SYT9: variants seen among roughly 807,000 people sequenced by gnomAD.
SYT9 encodes the protein synaptotagmin-9.
In SYT9, 22 loss-of-function variants were observed where a neutral mutation model predicts 48.4. That is an observed-to-expected ratio of 0.45 (90% CI 0.32 to 0.65). The LOEUF is 0.65. Ranked by LOEUF, SYT9 falls within the 30% of genes least tolerant of loss-of-function variation. The pLI, the probability that SYT9 is intolerant of heterozygous loss-of-function variation, is 0.03. For missense variants in SYT9, 577 were observed against 622.0 expected (o/e 0.93, Z 0.77); for synonymous variants, 265 against 245.0 (o/e 1.08, Z -0.76).
upstream of SYT9, among the ~76,000 whole-genome samples, chr11:7,251,099 GACACACACACACAC>G (rs369736479): frequency 7.6e-6 from 1 of 131,900 alleles, no homozygotes; most frequent in Non-Finnish European, 1.7e-5. Flanking sequence ...GTGGCACAGT[GACACACACACACAC>G]ACACACACAC....
intron 3 of SYT9, among the ~76,000 whole-genome samples, chr11:7,317,684 T>C (rs1227512400): frequency 6.6e-6 from 1 of 152,250 alleles, no homozygotes; most frequent in Non-Finnish European, 1.5e-5. Flanking sequence ...AACATATCCA[T>C]ATTTATTTTT....
At chr11:7,298,306 C>T (rs1848850032) in intron 1 of SYT9, among the ~76,000 whole-genome samples, 1 of 152,158 alleles carries the variant, frequency 6.6e-6, no homozygotes, top group Non-Finnish European at 1.5e-5. Flanking sequence ...TATTTTACTT[C>T]TAGATCAGAT....
rs1554916984 is a variant in SYT9 at position 7,385,369 on chromosome 11, T to TGTGTGC, written c.1045-30672_1045-30671insTGTGCG. 4.7e-4 allele frequency among the ~76,000 whole-genome samples: 69 copies of TGTGTGC among 148,006 alleles called. 3 individuals are homozygous for TGTGTGC. The highest frequency in any genetic ancestry group is 4.5e-3 in the South Asian group (21 of 4,678). On this transcript the variant is annotated intron_variant, in intron 3 of 6. Coordinates refer to ENST00000318881, the MANE Select transcript of SYT9 (RefSeq NM_175733.4). ...GTGTGTGTGTGTGTGTGTGTGTGTGTGCGTGTGTGTCCATGCAGCTAATTC... is the reference window on the plus strand; with the variant it reads ...GTGTGTGTGTGTGTGTGTGTGTGTGTGTGTGCGCGTGTGTGTCCATGCAGCTAATTC...
At chr11:7,254,102 G>A (rs1015409391) in intron 1 of SYT9, among the ~76,000 whole-genome samples, 4 of 152,108 alleles carry the variant, frequency 2.6e-5, no homozygotes, top group African/African-American at 7.2e-5. Flanking sequence ...CCTACACCAG[G>A]CAACCCCTGA....
At chr11:7,247,614 T>C (rs1432171339), upstream of SYT9, among the ~76,000 whole-genome samples, 3 of 146,218 alleles carry the variant, frequency 2.1e-5, no homozygotes, top group Non-Finnish European at 4.5e-5. Flanking sequence ...TATACATATA[T>C]ACGTGTATAT....
chr11:7,432,547 CAAAAAAA>C (rs67650978), intron 6 of SYT9, among the ~76,000 whole-genome samples: 12 of 16,938 alleles, frequency 7.1e-4, no homozygotes, highest in Admixed American at 1.7e-3. Flanking sequence ...GACTCCATCT[CAAAAAAA>C]AAAAAAAAAA....
chr11:7,444,753 G>A (rs1406311475), intron 6 of SYT9, among the ~76,000 whole-genome samples: 1 of 152,142 alleles, frequency 6.6e-6, no homozygotes, highest in Admixed American at 6.5e-5. Context: ...AGCAGGAATG[G>A]ATTGATAGGC....
At chr11:7,289,968 A>G (rs1848669012) in intron 1 of SYT9, among the ~76,000 whole-genome samples, 1 of 152,240 alleles carries the variant, frequency 6.6e-6, no homozygotes, top group Non-Finnish European at 1.5e-5. Context: ...ACAAAGACAC[A>G]ATAGCTTATG....
chr11:7,367,142 C>T (rs944808488), intron 3 of SYT9, among the ~76,000 whole-genome samples: 3 of 118,626 alleles, frequency 2.5e-5, no homozygotes, highest in East Asian at 5.9e-4. Flanking sequence ...AGTGCAGTGG[C>T]GCAATCTCGG....
chr11:7,443,641 AC>A (rs1368842627), intron 6 of SYT9, among the ~76,000 whole-genome samples: 2 of 152,168 alleles, frequency 1.3e-5, no homozygotes, highest in Non-Finnish European at 2.9e-5. Context: ...ACTCTCTTCT[AC>A]CCACCACCTC....
At chr11:7,298,948 T>C (rs1338977549) in intron 1 of SYT9, among the ~76,000 whole-genome samples, 1 of 152,210 alleles carries the variant, frequency 6.6e-6, no homozygotes, top group Non-Finnish European at 1.5e-5. Context: ...GGGATTTGGA[T>C]CAGAACTGGT....
At chr11:7,319,166 C>T (rs1399813278) in intron 3 of SYT9, among the ~76,000 whole-genome samples, 27 of 127,858 alleles carry the variant, frequency 2.1e-4, no homozygotes, top group South Asian at 4.9e-4. Context: ...CCTATTTCTT[C>T]TTTTTTTTTT....
At chr11:7,417,902 C>A in intron 4 of SYT9, 55 bp from the exon 5 acceptor site, 1 of 1,561,228 alleles carries the variant, frequency 6.4e-7, no homozygotes, top group Non-Finnish European at 8.7e-7. Context: ...ATATAACTGC[C>A]CACCTAAATC....
intron 3 of SYT9, among the ~76,000 whole-genome samples, chr11:7,323,778 A>G (rs1004145004): frequency 2.0e-5 from 3 of 151,890 alleles, no homozygotes; most frequent in African/African-American, 7.2e-5. Context: ...TTTTTTATAT[A>G]CATGGATATA....
chr11:7,274,834 G>A (rs1400194981), intron 1 of SYT9, among the ~76,000 whole-genome samples: 5 of 152,098 alleles, frequency 3.3e-5, no homozygotes, highest in East Asian at 1.9e-4. Flanking sequence ...CCACACATAA[G>A]GCCATCTGCT....
At chr11:7,318,300 G>C (rs1353616550) in intron 3 of SYT9, among the ~76,000 whole-genome samples, 1 of 150,382 alleles carries the variant, frequency 6.6e-6, no homozygotes, top group Non-Finnish European at 1.5e-5. Flanking sequence ...CTATTTGGCA[G>C]TCTTGTAGAA....
At chr11:7,302,146 A>G (rs140332004) in intron 1 of SYT9, among the ~76,000 whole-genome samples, 3 of 152,166 alleles carry the variant, frequency 2.0e-5, no homozygotes, top group African/African-American at 7.2e-5. Flanking sequence ...CAGGTTTCAA[A>G]TGATGGGAAT....
At chr11:7,313,312 C>A in intron 2 of SYT9, 83 bp from the exon 3 acceptor site, 1 of 1,392,212 alleles carries the variant, frequency 7.2e-7, no homozygotes, top group Non-Finnish European at 9.7e-7. Flanking sequence ...ATATAACAGT[C>A]TACCTACATC....
At chr11:7,302,328 T>G (rs1848937337) in intron 1 of SYT9, among the ~76,000 whole-genome samples, 2 of 152,238 alleles carry the variant, frequency 1.3e-5, no homozygotes, top group African/African-American at 4.8e-5. Flanking sequence ...TACCTTTTAT[T>G]GGCTTCCTTT....
Sources: gnomAD v4.1 joint callset for allele counts (sites outside exome capture counted in the v4.1 genomes callset) on GRCh38, gnomAD v4.1.1 for gene constraint, MANE v1.5 for transcripts, NCBI Gene and HGNC (gene_info 2026-07-23, HGNC 2026-07-21) for gene names.